The following CPZ variants were observed in gnomAD, a reference collection of about 807,000 sequenced individuals.
The protein encoded by CPZ is VEZT/CPZ fusion.
Under a neutral mutation model 61.8 loss-of-function variants are expected in CPZ, and 103 were observed. The ratio of observed to expected loss-of-function variants is 1.67; its 90% CI spans 1.42 to 1.96. CPZ has a LOEUF of 1.96. CPZ is among the 30% of genes most tolerant of loss of function. CPZ has a pLI of 0.00. For synonymous variants in CPZ, 551 were observed against 373.7 expected, an observed-to-expected ratio of 1.47 and a Z score of -5.47; for missense variants, 1,461 against 914.9, an observed-to-expected ratio of 1.60 and a Z score of -7.70.
intron 7 of CPZ, among the ~76,000 whole-genome samples, chr4:8,609,225 C>CACTT (rs1553877693): frequency 0.016 from 853 of 52,712 alleles, 5 homozygotes; most frequent in East Asian, 0.063. Context: ...TTCACTTACT[C>CACTT]ACTCATTGTC....
chr4:8,604,017 C>A lies in CPZ; in HGVS notation c.538C>A (p.Pro180Thr), dbSNP rs769264041. ...ADEALPSGLPPTFIRFSHHSY... is the reference protein window; with the variant it reads ...ADEALPSGLPTTFIRFSHHSY... ...CGAGGCACTGCCCTCAGGGCTGCCGCCCACCTTCATCCGCTTCAGCCACCA... is the reference window on the plus strand; with the variant it reads ...CGAGGCACTGCCCTCAGGGCTGCCGACCACCTTCATCCGCTTCAGCCACCA... Residue 180 changes from proline (P) to threonine (T), a missense_variant, in exon 4 of 11, where the codon CCC (proline) becomes ACC (threonine). Transcript: ENST00000360986. The A allele has an allele frequency of 1.9e-6, 3 of 1,612,172 alleles. No individual in the cohort carries two copies. Among genetic ancestry groups the A allele is most frequent in the East Asian group, 2.2e-5 (1 of 44,878 alleles).
intron 9 of CPZ, among the ~76,000 whole-genome samples, chr4:8,614,980 G>T (rs1458820288): frequency 6.6e-6 from 1 of 152,138 alleles, no homozygotes; most frequent in East Asian, 1.9e-4. Context: ...GGGCTGTGGT[G>T]AGGACTCGAG....
intron 7 of CPZ, among the ~76,000 whole-genome samples, chr4:8,609,928 G>A (rs754289406): frequency 1.3e-5 from 2 of 152,164 alleles, no homozygotes. Flanking sequence ...AACTTCCATG[G>A]TGCCCTACGG....
At position 8,607,326 on chromosome 4, in the gene CPZ, A is replaced by G. The variant is rs1318789239; in HGVS notation, c.1128A>G (p.Ser376=). 3.7e-6 allele frequency: 6 copies of G among 1,614,020 alleles called. No individual in the cohort carries two copies. Residue 376 remains serine (S), a synonymous_variant, in exon 7 of 11, where the codon TCA becomes TCG. Coordinates refer to ENST00000360986, the MANE Select transcript of CPZ (RefSeq NM_001014447.3). ...KWMQTIPFVL[S]ASLHGGDLVV... ...TGCAGACCATACCCTTTGTGCTCTC[A>G]GCCAGCCTTCATGGGGGCGACCTGG... is the stretch of plus-strand genomic sequence containing the variant.
chr4:8,600,997 C>T (rs377106490), intron 2 of CPZ, 126 bp from the exon 3 acceptor site: 12 of 1,425,050 alleles, frequency 8.4e-6, no homozygotes, highest in East Asian at 5.1e-5. Context: ...TGGTCCTCCC[C>T]TGCCAGACCG....
At position 8,618,338 on chromosome 4, in the gene CPZ, C is replaced by T. The variant is rs1046057963; in HGVS notation, c.1504-91C>T. ...GGGGTAGTTCCCCCTAGATACCAAG[C>T]TCTGAGGAGCATGTGGGGAACGAGC... On this transcript the variant is annotated intron_variant, in intron 9 of 10. Coordinates refer to ENST00000360986, the MANE Select transcript of CPZ (RefSeq NM_001014447.3). 8.8e-6 allele frequency: 11 copies of T among 1,254,778 alleles called. No homozygotes were observed. In the African/African-American group the frequency reaches 1.6e-4, roughly 19 times the overall value. 77.7% of individuals were successfully genotyped at this position (1,254,778 alleles called of 1,614,324 possible). A position where few individuals can be genotyped will look rare whatever the true frequency, so the allele number is the denominator to read the frequency against.
rs139824603 is a variant in CPZ at position 8,618,287 on chromosome 4, C to T, written c.1504-142C>T. The T allele has an allele frequency of 1.1e-4, 73 of 682,780 alleles. No individual in the cohort carries two copies. In the Middle Eastern group the frequency reaches 3.7e-3, roughly 35 times the overall value. 42.3% of individuals were successfully genotyped at this position (682,780 alleles called of 1,614,324 possible). A position where few individuals can be genotyped will look rare whatever the true frequency, so the allele number is the denominator to read the frequency against. On this transcript the variant is annotated intron_variant, in intron 9 of 10. Transcript: ENST00000360986. ...GACTGACTCGTTAAAGATGGCAGAG[C>T]GAGGGCTGGCAGAGTGGGGCTCTGT... is the stretch of plus-strand genomic sequence containing the variant.
chr4:8,610,519 A>C (rs1036885778), intron 7 of CPZ, among the ~76,000 whole-genome samples: 3 of 152,052 alleles, frequency 2.0e-5, no homozygotes, highest in Non-Finnish European at 4.4e-5. Flanking sequence ...GACTTTGGAG[A>C]GAGTCTTGTC....
At chr4:8,593,942 G>A (rs1327087130) in intron 1 of CPZ, among the ~76,000 whole-genome samples, 1 of 152,174 alleles carries the variant, frequency 6.6e-6, no homozygotes, top group Non-Finnish European at 1.5e-5. Context: ...CCGTGTTGTG[G>A]GTGGGCCTCC....
At chr4:8,614,901 G>C (rs944845853) in intron 9 of CPZ, among the ~76,000 whole-genome samples, 9 of 152,082 alleles carry the variant, frequency 5.9e-5, no homozygotes, top group African/African-American at 2.2e-4. Flanking sequence ...CCACAGGACA[G>C]GGAGAGCTCC....
At chr4:8,608,317 T>C (rs1230343110) in intron 7 of CPZ, among the ~76,000 whole-genome samples, 1 of 152,136 alleles carries the variant, frequency 6.6e-6, no homozygotes, top group East Asian at 1.9e-4. Context: ...CTCCCTGCAC[T>C]TTCCCTTGGT....
chr4:8,592,783 G>T lies in CPZ; in HGVS notation c.-51G>T. 1.6e-6 allele frequency: 2 copies of T among 1,287,704 alleles called. No homozygotes were observed. The highest frequency in any genetic ancestry group is 3.7e-5 in the South Asian group (2 of 54,428). 79.8% of individuals were successfully genotyped at this position (1,287,704 alleles called of 1,614,324 possible). A position where few individuals can be genotyped will look rare whatever the true frequency, so the allele number is the denominator to read the frequency against. On this transcript the variant is annotated 5_prime_UTR_variant, in exon 1 of 11. Coordinates refer to ENST00000360986, the MANE Select transcript of CPZ (RefSeq NM_001014447.3). ...CGAGCGCAGAGCCCCGGCCCCGCGC[G>T]GCCCGAGTGCCACATCACTGCGCTG...
chr4:8,614,998 A>G (rs543763130), intron 9 of CPZ, among the ~76,000 whole-genome samples: 1 of 151,984 alleles, frequency 6.6e-6, no homozygotes, highest in East Asian at 1.9e-4. Context: ...GAGCCGTGGG[A>G]TGGGGCGGGC....
chr4:8,614,034 G>T (rs964681550), intron 8 of CPZ, among the ~76,000 whole-genome samples: 2 of 152,266 alleles, frequency 1.3e-5, no homozygotes, highest in East Asian at 3.8e-4. Context: ...CCGCCAAGCG[G>T]CCTGAGCTCA....
intron 1 of CPZ, among the ~76,000 whole-genome samples, chr4:8,598,731 C>G (rs994245361): frequency 3.3e-5 from 5 of 152,292 alleles, no homozygotes; most frequent in African/African-American, 1.2e-4. Context: ...CCACTTCATA[C>G]AGGGCCCTTA....
Position 8,614,528 on chromosome 4 carries a change from C to A in CPZ, c.1503+30C>A, listed in dbSNP as rs762678005. 143 of 1,606,074 alleles carry A rather than the reference C, an allele frequency of 8.9e-5. 3 individuals are homozygous for A. In the South Asian group the frequency reaches 1.6e-3, roughly 18 times the overall value. On this transcript the variant is annotated intron_variant, in intron 9 of 10. Transcript: ENST00000360986. ...GTTCTGACGGTCTCAGGGCTCTGGT[C>A]CAGCTGTGGCCTGGGTGGGGTGGGT...
intron 1 of CPZ, among the ~76,000 whole-genome samples, chr4:8,593,249 G>A (rs1477913117): frequency 6.6e-6 from 1 of 152,204 alleles, no homozygotes; most frequent in Admixed American, 6.5e-5. Context: ...GAGGGAGCAG[G>A]TGCCAGGACT....
In CPZ at chr4:8,619,357, A is replaced by G. The variant is rs527836142; in HGVS notation, c.1699A>G (p.Ile567Val). Residue 567 changes from isoleucine (I) to valine (V), a missense_variant, in exon 11 of 11, where the codon ATC becomes GTC. By Grantham distance (29) the Ile-to-Val change is conservative. Coordinates refer to ENST00000360986, the MANE Select transcript of CPZ (RefSeq NM_001014447.3). ...GYAKVIKKVI[I>V]PARMKRAGRV... ...CGCCAAAGTCATCAAGAAAGTCATC[A>G]TCCCCGCCCGGATGAAGAGGGCTGG... The G allele has an allele frequency of 9.9e-6, 16 of 1,614,188 alleles. No individual in the cohort carries two copies. The South Asian group carries it at 1.5e-4, about 16-fold the overall frequency.
intron 3 of CPZ, 29 bp downstream of exon 3, chr4:8,601,526 G>A: frequency 2.1e-6 from 3 of 1,438,566 alleles, no homozygotes; most frequent in South Asian, 1.5e-5. Context: ...GGCCTGTGTG[G>A]TCATGGGGTC....
Sources: allele counts gnomAD v4.1 joint callset (sites outside exome capture counted in the v4.1 genomes callset), GRCh38; gene constraint gnomAD v4.1.1; transcripts MANE v1.5; gene names NCBI Gene and HGNC (gene_info 2026-07-23, HGNC 2026-07-21).